Variants in PCDHGA6 observed in about 807,000 individuals in gnomAD.
PCDHGA6 encodes the protein protocadherin gamma subfamily A, 6.
In PCDHGA6, 41 loss-of-function variants were observed where a neutral mutation model predicts 60.6. The observed-to-expected ratio is 0.68, with a 90% CI of 0.53 to 0.88. PCDHGA6 has a LOEUF of 0.88. PCDHGA6 is among the 40% of genes least tolerant of loss of function. The pLI is 0.00. For synonymous variants in PCDHGA6, 594 were observed against 524.4 expected, an observed-to-expected ratio of 1.13 and a Z score of -1.81; for missense variants, 1,312 against 1,203.0, an observed-to-expected ratio of 1.09 and a Z score of -1.34.
intron 1 of PCDHGA6, among the ~76,000 whole-genome samples, chr5:141,447,063 G>C (rs762309557): frequency 6.6e-6 from 1 of 152,028 alleles, no homozygotes; most frequent in South Asian, 2.1e-4. Context: ...AATGTGTCAG[G>C]CTGTTTTAAT....
chr5:141,451,163 G>A (rs2098709493), intron 1 of PCDHGA6, among the ~76,000 whole-genome samples: 1 of 152,086 alleles, frequency 6.6e-6, no homozygotes, highest in African/African-American at 2.4e-5. Flanking sequence ...TTTTTTGGTA[G>A]TATATTATTT....
intron 1 of PCDHGA6, among the ~76,000 whole-genome samples, chr5:141,405,666 C>T (rs752033736): frequency 3.3e-5 from 5 of 152,198 alleles, no homozygotes; most frequent in Admixed American, 6.5e-5. Flanking sequence ...TTAGTAGAGA[C>T]GGGGTGTCAC....
chr5:141,511,288 C>G lies in PCDHGA6; in HGVS notation c.*115C>G. ...CTAACCCCCAGAATACTGGTAGGGG[C>G]CAAGGCCATGCTCCCCTTGGGAAAC... On this transcript the variant is annotated 3_prime_UTR_variant, in exon 4 of 4. Transcript: ENST00000517434. 6.6e-7 allele frequency: 1 copy of G among 1,518,266 alleles called. No homozygotes were observed. The highest frequency in any genetic ancestry group is 8.9e-7 in the Non-Finnish European group (1 of 1,129,706). The allele number at this position is 1,518,266 out of a possible 1,614,324, so 94.0% of individuals were successfully genotyped here.
At chr5:141,411,880 A>G (rs1030232942) in intron 1 of PCDHGA6, 2 of 152,240 alleles carry the variant, frequency 1.3e-5, no homozygotes, top group African/African-American at 4.8e-5. Flanking sequence ...GACATTTCTA[A>G]GAAATAAATG....
chr5:141,382,777 C>G, intron 1 of PCDHGA6: 1 of 822,390 alleles, frequency 1.2e-6, no homozygotes. Flanking sequence ...CTGCACTAAA[C>G]TCAAGCCTCT....
At chr5:141,424,936 C>G (rs1160449329) in intron 1 of PCDHGA6, among the ~76,000 whole-genome samples, 1 of 152,182 alleles carries the variant, frequency 6.6e-6, no homozygotes, top group Non-Finnish European at 1.5e-5. Flanking sequence ...AGTCAACACT[C>G]TCACATCACT....
chr5:141,380,834 G>A (rs559775684), intron 1 of PCDHGA6, among the ~76,000 whole-genome samples: 114 of 152,272 alleles, frequency 7.5e-4, no homozygotes, highest in Admixed American at 3.9e-3. Flanking sequence ...TGAGGCATCA[G>A]GTAAAAATGG....
In PCDHGA6 at chr5:141,493,079, G is replaced by A. The variant is rs1299289839; in HGVS notation, c.2425-1728G>A. 6.6e-6 allele frequency among the ~76,000 whole-genome samples: 1 copy of A among 152,204 alleles called. No homozygotes were observed. Among genetic ancestry groups the A allele is most frequent in the East Asian group, 1.9e-4 (1 of 5,196 alleles). Reference sequence around the variant, plus strand: ...AAAAACACAAGTTTCTCCAACTCCAGGAGCTTTTATTCAAAATATATCAAT... The same window carrying A: ...AAAAACACAAGTTTCTCCAACTCCAAGAGCTTTTATTCAAAATATATCAAT... On this transcript the variant is annotated intron_variant, in intron 1 of 3. Transcript: ENST00000517434. The surrounding 1 kb of genome is among the most constrained non-coding windows in gnomAD (Gnocchi z 4.3).
chr5:141,464,853 C>A (rs1441161135), intron 1 of PCDHGA6, among the ~76,000 whole-genome samples: 1 of 151,778 alleles, frequency 6.6e-6, no homozygotes, highest in East Asian at 1.9e-4. Flanking sequence ...ATCCTCCTAC[C>A]TTAGCCTCCC....
chr5:141,501,442 T>C (rs1202229661), intron 2 of PCDHGA6, among the ~76,000 whole-genome samples: 1 of 152,016 alleles, frequency 6.6e-6, no homozygotes, highest in African/African-American at 2.4e-5. Context: ...ATTTCTTCCA[T>C]TTTTACTTTT....
Position 141,432,701 on chromosome 5 carries a change from G to A in PCDHGA6, c.2424+56194G>A, listed in dbSNP as rs200101512. ...GCAGAGCCTCGTAGTGGCCGTCCAG[G>A]ACCACGGCCAGCCCCCTCTCTCCGC... On this transcript the variant is annotated intron_variant, in intron 1 of 3. Coordinates refer to ENST00000517434, the MANE Select transcript of PCDHGA6 (RefSeq NM_018919.3). This position sits in a 1 kb window ranked among gnomAD's most constrained non-coding sequence, Gnocchi z 6.0. The A allele has an allele frequency of 2.7e-5, 44 of 1,613,842 alleles. No homozygotes were observed. The Admixed American group carries it at 5.3e-4, about 20-fold the overall frequency.
At chr5:141,469,964 G>T (rs974494589) in intron 1 of PCDHGA6, among the ~76,000 whole-genome samples, 2 of 152,002 alleles carry the variant, frequency 1.3e-5, no homozygotes, top group Non-Finnish European at 2.9e-5. Flanking sequence ...AACCCCATCT[G>T]TACCAAAAAT....
In PCDHGA6 at chr5:141,423,466, G is replaced by T. The variant is rs770939556; in HGVS notation, c.2424+46959G>T. On this transcript the variant is annotated intron_variant, in intron 1 of 3. Coordinates refer to ENST00000517434, the MANE Select transcript of PCDHGA6 (RefSeq NM_018919.3). Reference sequence around the variant, plus strand: ...GTCACATTTTGTAGGCGTGGACGGGGTACAGGCTTTCCTGCAAACCTATTC... The same window carrying T: ...GTCACATTTTGTAGGCGTGGACGGGTTACAGGCTTTCCTGCAAACCTATTC... 6 of 1,614,022 alleles carry T rather than the reference G, an allele frequency of 3.7e-6. No homozygotes were observed. In the Admixed American group the frequency reaches 5.0e-5, roughly 13 times the overall value.
Position 141,489,341 on chromosome 5 carries a change from CAGT to C in PCDHGA6, c.2425-5465_2425-5463del. The stretch of plus-strand genomic sequence containing the variant: ...TGGGTGTCTGGGCAGCTTCGTTACT[CAGT>C]GGTGGAGGAGTCTGAGCCGGGGACG... On this transcript the variant is annotated intron_variant, in intron 1 of 3. Coordinates refer to ENST00000517434, the MANE Select transcript of PCDHGA6 (RefSeq NM_018919.3). This position sits in a 1 kb window ranked among gnomAD's most constrained non-coding sequence, Gnocchi z 4.5. The C allele has an allele frequency of 6.2e-7, 1 of 1,609,088 alleles. No homozygotes were observed. Among genetic ancestry groups the C allele is most frequent in the Non-Finnish European group, 8.5e-7 (1 of 1,176,770 alleles).
chr5:141,464,402 G>GAT (rs1039725208), intron 1 of PCDHGA6, among the ~76,000 whole-genome samples: 22 of 150,720 alleles, frequency 1.5e-4, no homozygotes, highest in Admixed American at 7.3e-4. Context: ...AAGAACCTGA[G>GAT]ATATATATAT....
chr5:141,421,515 CTG>C, intron 1 of PCDHGA6: 1 of 1,614,080 alleles, frequency 6.2e-7, no homozygotes, highest in Non-Finnish European at 8.5e-7. Context: ...GGGAGGAGCT[CTG>C]TGAGACGGTG....
rs548002755 is a variant in PCDHGA6, at chr5:141,409,062, G to A, written c.2424+32555G>A. On this transcript the variant is annotated intron_variant, in intron 1 of 3. Coordinates refer to ENST00000517434, the MANE Select transcript of PCDHGA6 (RefSeq NM_018919.3). ...TACTACTTCCGAAGCACTGCCCAGAGCACAAAACATATGTTCTCATTGGAT... is the reference window on the plus strand; with the variant it reads ...TACTACTTCCGAAGCACTGCCCAGAACACAAAACATATGTTCTCATTGGAT... The A allele has an allele frequency of 3.1e-6, 5 of 1,614,000 alleles. No homozygotes were observed. The South Asian group carries it at 4.4e-5, about 14-fold the overall frequency.
intron 1 of PCDHGA6, chr5:141,392,231 C>T (rs1225616326): frequency 6.6e-6 from 1 of 152,078 alleles, no homozygotes; most frequent in Non-Finnish European, 1.5e-5. Context: ...AACTGAAGTT[C>T]TTAGTTATTT....
intron 1 of PCDHGA6, chr5:141,422,940 C>T (rs769630623): frequency 2.0e-5 from 32 of 1,614,124 alleles, no homozygotes; most frequent in Admixed American, 5.0e-5. Flanking sequence ...TCCCCACAGA[C>T]GGCTCCACTG....
Sources: allele counts gnomAD v4.1 joint callset (sites outside exome capture counted in the v4.1 genomes callset), GRCh38; gene constraint gnomAD v4.1.1; non-coding constraint Gnocchi (gnomAD v3.1); transcripts MANE v1.5; gene names NCBI Gene and HGNC (gene_info 2026-07-23, HGNC 2026-07-21).